Variants in SRD5A2 observed in about 807,000 individuals in gnomAD.
SRD5A2 encodes steroid 5 alpha-reductase 2.
In SRD5A2, 30 loss-of-function variants were observed where a neutral mutation model predicts 27.4. The observed-to-expected ratio is 1.10, with a 90% CI of 0.82 to 1.49. The LOEUF is 1.49. SRD5A2 is among the 40% of genes most tolerant of loss of function. SRD5A2 has a pLI of 0.00. For missense variants in SRD5A2, 348 were observed against 323.4 expected (o/e 1.08, Z -0.58); for synonymous variants, 141 against 133.6 (o/e 1.06, Z -0.38).
At chr2:31,607,397 A>G in the SRD5A2 span, among the ~76,000 whole-genome samples, 1 of 151,988 alleles carries the variant, frequency 6.6e-6, no homozygotes, top group Non-Finnish European at 1.5e-5. Flanking sequence ...TAAAGTCAGT[A>G]ATAGAAAAAC....
At chr2:31,555,261 G>A (rs1204738871) in intron 1 of SRD5A2, among the ~76,000 whole-genome samples, 1 of 151,864 alleles carries the variant, frequency 6.6e-6, no homozygotes, top group Non-Finnish European at 1.5e-5. Context: ...TGTTGTATTT[G>A]CCACCCAATA....
At chr2:31,621,128 T>C in the SRD5A2 span, among the ~76,000 whole-genome samples, 4 of 151,920 alleles carry the variant, frequency 2.6e-5, no homozygotes, top group South Asian at 4.2e-4. Context: ...TTTCCTTCAA[T>C]AGTAACATCT....
the SRD5A2 span, among the ~76,000 whole-genome samples, chr2:31,586,598 C>A: frequency 6.6e-6 from 1 of 152,188 alleles, no homozygotes; most frequent in Non-Finnish European, 1.5e-5. Context: ...ATAAGAGTAT[C>A]TGCCTGGTAA....
chr2:31,541,642 T>C (rs74952430), intron 1 of SRD5A2, among the ~76,000 whole-genome samples: 1 of 196 alleles, frequency 5.1e-3, no homozygotes, highest in South Asian at 0.12. Flanking sequence ...TCACAGTACT[T>C]GGTTTAACTT....
At chr2:31,662,819 G>C in the SRD5A2 span, among the ~76,000 whole-genome samples, 3 of 152,150 alleles carry the variant, frequency 2.0e-5, no homozygotes, top group South Asian at 2.1e-4. Flanking sequence ...AGCTCTTTTA[G>C]CCTTCTAGCT....
At chr2:31,583,624 A>C (rs1200623298), upstream of SRD5A2, among the ~76,000 whole-genome samples, 6 of 45,178 alleles carry the variant, frequency 1.3e-4, no homozygotes, top group East Asian at 6.6e-4. Context: ...GAAAAAAAAA[A>C]AAAACAAAAA....
chr2:31,524,390 CTGTATAAGTCATACTTCT>C lies in SRD5A2; in HGVS notation c.*1788_*1805del, dbSNP rs1665727854. ...GTAGTTCTGAATTGTGGCTGAGAGG[CTGTATAAGTCATACTTCT>C]TTATTTCCAGCACACAGCCCCTAAT... On this transcript the variant is annotated 3_prime_UTR_variant, in exon 5 of 5. Coordinates refer to ENST00000622030, the MANE Select transcript of SRD5A2 (RefSeq NM_000348.4). 4.6e-6 allele frequency: 1 copy of C among 215,588 alleles called. No homozygotes were observed. The highest frequency in any genetic ancestry group is 5.8e-5 in the Admixed American group (1 of 17,138). The allele number at this position is 215,588 out of a possible 1,614,324, so 13.4% of individuals were successfully genotyped here.
the SRD5A2 span, among the ~76,000 whole-genome samples, chr2:31,655,242 C>T: frequency 9.9e-5 from 15 of 152,080 alleles, no homozygotes; most frequent in Non-Finnish European, 1.9e-4. Context: ...GCTGAGATTA[C>T]GGGTGCCCAC....
intron 1 of SRD5A2, among the ~76,000 whole-genome samples, chr2:31,543,715 G>A (rs1367797698): frequency 6.6e-6 from 1 of 152,106 alleles, no homozygotes. Context: ...AATTTAGGAT[G>A]TTAAATGTAA....
intron 1 of SRD5A2, among the ~76,000 whole-genome samples, chr2:31,568,236 C>T (rs1226998407): frequency 6.6e-6 from 1 of 152,170 alleles, no homozygotes. Flanking sequence ...CAGCTCTTCT[C>T]TCCTTCTTGT....
In SRD5A2 at chr2:31,526,106, G is replaced by GATATATATATATATATATATATAT. The variant is rs1553322989; in HGVS notation, c.*89_*90insATATATATATATATATATATATAT. 4 of 806,598 alleles carry GATATATATATATATATATATATAT rather than the reference G, an allele frequency of 5.0e-6. No individual in the cohort carries two copies. The African/African-American group carries it at 8.7e-5, about 17-fold the overall frequency. 50.0% of individuals were successfully genotyped at this position (806,598 alleles called of 1,614,324 possible). ...GGAGACCTACTATTACATATATACG[G>GATATATATATATATATATATATAT]GACTATTATATCATGAAAATTACAG... is the stretch of plus-strand genomic sequence containing the variant. On this transcript the variant is annotated 3_prime_UTR_variant, in exon 5 of 5. Coordinates refer to ENST00000622030, the MANE Select transcript of SRD5A2 (RefSeq NM_000348.4).
chr2:31,580,813 GCTTCGCGA>G lies in SRD5A2; in HGVS notation c.80_87del (p.Val27AlafsTer106). ...TCCGTGTGCTTCCCGTAGCCGGAGGGCTTCGCGACGTACAAGGCCAGTGCCCCAAGGGC... is the reference window on the plus strand; with the variant it reads ...TCCGTGTGCTTCCCGTAGCCGGAGGGCGTACAAGGCCAGTGCCCCAAGGGC... On this transcript the variant is annotated frameshift_variant, in exon 1 of 5. Transcript: ENST00000622030. LOFTEE classifies it high-confidence loss of function. 1.2e-6 allele frequency: 2 copies of G among 1,612,456 alleles called. No individual in the cohort carries two copies. Among genetic ancestry groups the G allele is most frequent in the South Asian group, 2.2e-5 (2 of 91,060 alleles).
chr2:31,548,876 A>T (rs1210613180), intron 1 of SRD5A2, among the ~76,000 whole-genome samples: 2 of 152,124 alleles, frequency 1.3e-5, no homozygotes, highest in Admixed American at 1.3e-4. Flanking sequence ...AAAATGTGGT[A>T]TATACTTACA....
intron 3 of SRD5A2, 102 bp downstream of exon 3, chr2:31,531,269 T>C (rs944721262): frequency 1.3e-6 from 1 of 773,914 alleles, no homozygotes; most frequent in Middle Eastern, 3.7e-4. Context: ...AGGTATTGTA[T>C]CATTCGTGCC....
the SRD5A2 span, among the ~76,000 whole-genome samples, chr2:31,658,237 G>T: frequency 3.9e-5 from 6 of 152,032 alleles, no homozygotes; most frequent in African/African-American, 1.4e-4. Context: ...GTGTTAAGAG[G>T]AAAGTTTATA....
chr2:31,597,686 G>T, the SRD5A2 span, among the ~76,000 whole-genome samples: 1 of 151,912 alleles, frequency 6.6e-6, no homozygotes, highest in African/African-American at 2.4e-5. Context: ...AAATGGCCAA[G>T]AAACATATTA....
chr2:31,529,362 C>T lies in SRD5A2; in HGVS notation c.643G>A (p.Ala215Thr), dbSNP rs1033288871. The T allele has an allele frequency of 1.9e-6, 3 of 1,613,848 alleles. No individual in the cohort carries two copies. The highest frequency in any genetic ancestry group is 2.2e-5 in the East Asian group (1 of 44,874). Reference sequence around the variant, plus strand: ...AAACAAAGTGAGAAAAATGCAAATGCAAGTGCTGGGAGGGACCAAGTGGCC... The same window carrying T: ...AAACAAAGTGAGAAAAATGCAAATGTAAGTGCTGGGAGGGACCAAGTGGCC... Reference protein sequence around the residue: ...ALATWSLPALAFAFFSLCFLG... With the variant: ...ALATWSLPALTFAFFSLCFLG... Residue 215 changes from alanine to threonine, a missense_variant, in exon 4 of 5, where the codon GCA becomes ACA. Ala to Thr is a moderately conservative substitution (Grantham distance 58). Transcript: ENST00000622030.
chr2:31,643,463 C>T, the SRD5A2 span, among the ~76,000 whole-genome samples: 1 of 151,912 alleles, frequency 6.6e-6, no homozygotes, highest in African/African-American at 2.4e-5. Flanking sequence ...TATGTGTGTA[C>T]TTATTTATAT....
upstream of SRD5A2, among the ~76,000 whole-genome samples, chr2:31,582,335 A>G (rs1667097853): frequency 6.6e-6 from 1 of 152,092 alleles, no homozygotes; most frequent in Non-Finnish European, 1.5e-5. Context: ...GTGTCTCCTG[A>G]TTCTTGGCAC....
Sources: gnomAD v4.1 joint callset for allele counts (sites outside exome capture counted in the v4.1 genomes callset) on GRCh38, gnomAD v4.1.1 for gene constraint, MANE v1.5 for transcripts, NCBI Gene and HGNC (gene_info 2026-07-23, HGNC 2026-07-21) for gene names.